The following GBE1 variants were observed in gnomAD, a reference collection of about 807,000 sequenced individuals.
GBE1 encodes the protein 1,4-alpha-glucan branching enzyme 1.
A neutral mutation model predicts 88.8 loss-of-function variants in GBE1; 70 were observed. The ratio of observed to expected loss-of-function variants is 0.79; its 90% CI spans 0.65 to 0.96. The LOEUF (loss-of-function observed/expected upper bound fraction) is 0.96, where lower values mean the gene tolerates loss of function less well. Among genes scored for constraint, GBE1 ranks in the 40% least tolerant of loss-of-function variants. The pLI is 0.00. For synonymous variants in GBE1, 284 were observed against 300.1 expected, an observed-to-expected ratio of 0.95 and a Z score of 0.56; for missense variants, 872 against 871.0, an observed-to-expected ratio of 1.00 and a Z score of -0.01.
chr3:81,702,813 T>C (rs1370810315), intron 2 of GBE1, among the ~76,000 whole-genome samples: 1 of 152,094 alleles, frequency 6.6e-6, no homozygotes, highest in East Asian at 1.9e-4. Context: ...TACTGTACTT[T>C]TAACAGTTAA....
intron 1 of GBE1, among the ~76,000 whole-genome samples, chr3:81,713,343 C>T (rs529116342): frequency 3.9e-5 from 6 of 152,256 alleles, no homozygotes; most frequent in Admixed American, 6.5e-5. Context: ...TGCTTCTTGA[C>T]GACATGACGA....
In GBE1 at chr3:81,502,801, GCAC is replaced by G. The variant is rs538580617; in HGVS notation, c.1935-3577_1935-3575del. 1.9e-3 allele frequency among the ~76,000 whole-genome samples: 291 copies of G among 152,202 alleles called. 3 individuals are homozygous for G. The highest frequency in any genetic ancestry group is 6.4e-3 in the African/African-American group (264 of 41,530). On this transcript the variant is annotated intron_variant, in intron 14 of 15. Coordinates refer to ENST00000429644, the MANE Select transcript of GBE1 (RefSeq NM_000158.4). ...ACATACATGATATGGGACCCACACA[GCAC>G]CACAATTCCTACATCATCCTTTTTC...
intron 14 of GBE1, among the ~76,000 whole-genome samples, chr3:81,503,733 A>C (rs1464395990): frequency 6.6e-6 from 1 of 152,010 alleles, no homozygotes; most frequent in Non-Finnish European, 1.5e-5. Flanking sequence ...AGATCTGATT[A>C]CTTTACTCTC....
Position 81,586,185 on chromosome 3 carries a change from T to C in GBE1, c.1242A>G (p.Val414=), listed in dbSNP as rs543823734. Residue 414 remains valine, a synonymous_variant, in exon 10 of 16, where the codon GTA becomes GTG. Transcript: ENST00000429644. The stretch of plus-strand genomic sequence containing the variant: ...GAGAGCACAGAGCTGGCATTCCTGA[T>C]ACATCCTACAACAAAGAACGTCGGT... The part of the protein sequence containing the change: ...CPDSITIAED[V]SGMPALCSPI... 8 of 1,599,928 alleles carry C rather than the reference T, an allele frequency of 5.0e-6. No individual in the cohort carries two copies. The highest frequency in any genetic ancestry group is 4.5e-5 in the East Asian group (2 of 44,438).
rs535827090 is a variant in GBE1 at position 81,720,872 on chromosome 3, T to TA, written c.144-15260dup. Among the ~76,000 whole-genome samples the TA allele has an allele frequency of 4.8e-4, 69 of 144,858 alleles. No homozygotes were observed. In the East Asian group the frequency reaches 5.9e-3, roughly 12 times the overall value. On this transcript the variant is annotated intron_variant, in intron 1 of 15. Transcript: ENST00000429644. ...TACACCATGGAATACTATGCAGCCA[T>TA]AAAAAATGATGAGTTCATATCCTTT...
At chr3:81,682,618 G>C (rs138441684) in intron 2 of GBE1, among the ~76,000 whole-genome samples, 4 of 152,268 alleles carry the variant, frequency 2.6e-5, no homozygotes, top group Non-Finnish European at 5.9e-5. Context: ...TGTTAGCAAA[G>C]ATATGGAAAA....
chr3:81,637,098 A>T (rs1295419138), intron 7 of GBE1, among the ~76,000 whole-genome samples: 9 of 152,208 alleles, frequency 5.9e-5, no homozygotes, highest in Admixed American at 2.0e-4. Flanking sequence ...GCAAAATAAG[A>T]GATTAACAAT....
chr3:81,577,155 T>C (rs893313026), intron 12 of GBE1, among the ~76,000 whole-genome samples: 2 of 151,954 alleles, frequency 1.3e-5, no homozygotes, highest in African/African-American at 4.8e-5. Flanking sequence ...TTGTCCAGGT[T>C]GGTCTCTAAC....
chr3:81,741,959 T>C (rs939814130), intron 1 of GBE1, among the ~76,000 whole-genome samples: 25 of 151,100 alleles, frequency 1.7e-4, no homozygotes, highest in African/African-American at 5.3e-4. Flanking sequence ...AAAATCTTGA[T>C]ACTATAAAAA....
chr3:81,645,880 T>A (rs761797486), intron 6 of GBE1, among the ~76,000 whole-genome samples: 33 of 152,332 alleles, frequency 2.2e-4, no homozygotes, highest in Non-Finnish European at 3.7e-4. Flanking sequence ...GTTGGACTTC[T>A]TCGGTCTGTG....
intron 1 of GBE1, among the ~76,000 whole-genome samples, chr3:81,748,765 T>C (rs569265156): frequency 8.6e-5 from 13 of 151,758 alleles, no homozygotes; most frequent in Non-Finnish European, 1.9e-4. Flanking sequence ...TTCCAACACT[T>C]TGGGAGGCAG....
chr3:81,634,478 TG>T (rs1245493235), intron 7 of GBE1, among the ~76,000 whole-genome samples: 1 of 152,184 alleles, frequency 6.6e-6, no homozygotes, highest in Non-Finnish European at 1.5e-5. Flanking sequence ...ATTAGCATTT[TG>T]GGGGGAAACA....
At position 81,705,514 on chromosome 3, in the gene GBE1, A is replaced by C; in HGVS notation, c.243T>G (p.Cys81Trp). 1 of 1,603,120 alleles carries C rather than the reference A, an allele frequency of 6.2e-7. No homozygotes were observed. Among genetic ancestry groups the C allele is most frequent in the Non-Finnish European group, 8.5e-7 (1 of 1,174,588 alleles). The change falls in exon 2 of 16, where the codon TGT (cysteine) becomes TGG (tryptophan). Residue 81 changes from cysteine to tryptophan, a missense_variant. Coordinates refer to ENST00000429644, the MANE Select transcript of GBE1 (RefSeq NM_000158.4). ...CTTTGCAGTATAAACCACCATCAGC[A>C]CATCTGTGGACGCCAAATGATTCAT... ...RGYESFGVHR[C>W]ADGGLYCKEW...
At chr3:81,697,023 A>C (rs1705605779) in intron 2 of GBE1, among the ~76,000 whole-genome samples, 1 of 152,106 alleles carries the variant, frequency 6.6e-6, no homozygotes, top group African/African-American at 2.4e-5. Flanking sequence ...CAATCCTGAC[A>C]CAATCTACCA....
Position 81,534,883 on chromosome 3 carries a change from G to A in GBE1, c.1934+312C>T, listed in dbSNP as rs1576137096. 1.7e-5 allele frequency: 4 copies of A among 236,588 alleles called. No individual in the cohort carries two copies. In the South Asian group the frequency reaches 2.1e-4, roughly 12 times the overall value. The allele number at this position is 236,588 out of a possible 1,614,324, so 14.7% of individuals were successfully genotyped here. ...TTTATTGTCTTCTGTATTGGTGGAT[G>A]TGGGGACCTGGAGAGCAGGGCTCCA... is the stretch of plus-strand genomic sequence containing the variant. On this transcript the variant is annotated intron_variant, in intron 14 of 15. Transcript: ENST00000429644.
At chr3:81,703,809 A>G (rs1705735067) in intron 2 of GBE1, among the ~76,000 whole-genome samples, 1 of 152,046 alleles carries the variant, frequency 6.6e-6, no homozygotes, top group African/African-American at 2.4e-5. Flanking sequence ...ATTATTCCAT[A>G]AACAATACAG....
chr3:81,662,023 AT>A (rs1169829815), intron 3 of GBE1, among the ~76,000 whole-genome samples: 1 of 151,980 alleles, frequency 6.6e-6, no homozygotes, highest in Non-Finnish European at 1.5e-5. Context: ...TAATTTATTC[AT>A]TTTTTTAATT....
intron 1 of GBE1, among the ~76,000 whole-genome samples, chr3:81,716,932 T>A (rs1382016446): frequency 6.6e-6 from 1 of 152,140 alleles, no homozygotes; most frequent in Non-Finnish European, 1.5e-5. Flanking sequence ...CTGAATGCAA[T>A]AAATCAGAGT....
At chr3:81,621,359 A>G (rs1704330849) in intron 7 of GBE1, among the ~76,000 whole-genome samples, 1 of 152,162 alleles carries the variant, frequency 6.6e-6, no homozygotes, top group Non-Finnish European at 1.5e-5. Flanking sequence ...TCATTTTGGA[A>G]AAGTTAAGTA....
Sources: allele counts gnomAD v4.1 joint callset (sites outside exome capture counted in the v4.1 genomes callset), GRCh38; gene constraint gnomAD v4.1.1; transcripts MANE v1.5; gene names NCBI Gene and HGNC (gene_info 2026-07-23, HGNC 2026-07-21).